TP63: variants seen among roughly 807,000 people sequenced by gnomAD.
TP63 encodes the protein tumor protein p63, also known as tumor protein 63.
A neutral mutation model predicts 82.8 loss-of-function variants in TP63; 17 were observed. That is an observed-to-expected ratio of 0.21 (90% CI 0.14 to 0.31). The LOEUF is 0.31. Ranked by LOEUF, TP63 falls within the 10% of genes least tolerant of loss-of-function variation. The probability of loss-of-function intolerance (pLI) is 1.00; values close to 1 mark genes in which losing one functional copy is unlikely to be tolerated. For synonymous variants in TP63, 330 were observed against 321.7 expected, an observed-to-expected ratio of 1.03 and a Z score of -0.28; for missense variants, 648 against 895.3, an observed-to-expected ratio of 0.72 and a Z score of 3.52.
chr3:189,777,942 G>A (rs1046023515), intron 3 of TP63, among the ~76,000 whole-genome samples: 1 of 136,896 alleles, frequency 7.3e-6, no homozygotes, highest in African/African-American at 2.8e-5. Context: ...TGCAACTTCC[G>A]TCTTCCGGGT....
intron 6 of TP63, 117 bp downstream of exon 6, chr3:189,866,914 T>C: frequency 2.4e-6 from 2 of 834,004 alleles, no homozygotes; most frequent in Admixed American, 2.1e-5. Flanking sequence ...TTAGTTCTTG[T>C]CATCAAATAT....
chr3:189,764,566 T>A (rs141570599), intron 3 of TP63, among the ~76,000 whole-genome samples: 1 of 152,230 alleles, frequency 6.6e-6, no homozygotes, highest in Non-Finnish European at 1.5e-5. Flanking sequence ...ACTGGGGTGC[T>A]CATCAGGAGT....
intron 1 of TP63, among the ~76,000 whole-genome samples, chr3:189,660,016 G>A (rs975499179): frequency 1.3e-5 from 2 of 151,926 alleles, no homozygotes; most frequent in African/African-American, 4.8e-5. Flanking sequence ...TGATTACTCT[G>A]TTGATAATTC....
chr3:189,805,979 C>T (rs1726842613), intron 3 of TP63, among the ~76,000 whole-genome samples: 1 of 151,910 alleles, frequency 6.6e-6, no homozygotes, highest in Non-Finnish European at 1.5e-5. Flanking sequence ...CTTCACCAAA[C>T]CACCCTGGAC....
chr3:189,693,944 G>A (rs60907661), intron 1 of TP63, among the ~76,000 whole-genome samples: 2,575 of 152,218 alleles, frequency 0.017, 82 homozygotes, highest in African/African-American at 0.058. Context: ...CCGTTTTAGT[G>A]TTATCTTTTA....
chr3:189,629,544 C>T (rs1040540851), upstream of TP63, among the ~76,000 whole-genome samples: 7 of 152,026 alleles, frequency 4.6e-5, no homozygotes, highest in African/African-American at 7.2e-5. Context: ...TTCCTAGAGA[C>T]GTCGAATTGT....
chr3:189,870,388 A>G (rs1297993457), intron 9 of TP63, among the ~76,000 whole-genome samples: 3 of 152,254 alleles, frequency 2.0e-5, no homozygotes, highest in South Asian at 2.1e-4. Context: ...AACTAATTGC[A>G]TGGCATTTAC....
intron 1 of TP63, among the ~76,000 whole-genome samples, chr3:189,706,641 A>C (rs1718223576): frequency 6.6e-6 from 1 of 152,150 alleles, no homozygotes; most frequent in Non-Finnish European, 1.5e-5. Flanking sequence ...ACATCCAGCA[A>C]TACATCTCAA....
rs1297017557 is a variant in TP63, at chr3:189,868,076, A to G, written c.992+134A>G. ...GTCCTTTGTGCTCTAAATCCTTGCT[A>G]CAAACGGTTACATAAAAGATCTAAG... On this transcript the variant is annotated intron_variant, in intron 7 of 13. Coordinates refer to ENST00000264731, the MANE Select transcript of TP63 (RefSeq NM_003722.5). 1.2e-5 allele frequency: 9 copies of G among 770,002 alleles called. No homozygotes were observed. The South Asian group carries it at 1.2e-4, about 10-fold the overall frequency. 47.7% of individuals were successfully genotyped at this position (770,002 alleles called of 1,614,324 possible).
chr3:189,752,186 A>AT (rs1432205194), intron 3 of TP63, among the ~76,000 whole-genome samples: 1 of 151,928 alleles, frequency 6.6e-6, no homozygotes, highest in Non-Finnish European at 1.5e-5. Flanking sequence ...TTATCTATTT[A>AT]TTTTTTGAGA....
the TP63 span, among the ~76,000 whole-genome samples, chr3:189,611,376 C>G: frequency 6.6e-6 from 1 of 152,116 alleles, no homozygotes; most frequent in African/African-American, 2.4e-5. Context: ...AGCCAGTTAT[C>G]CTAGCACCAT....
the TP63 span, among the ~76,000 whole-genome samples, chr3:189,599,068 A>G: frequency 2.7e-4 from 41 of 152,328 alleles, no homozygotes; most frequent in African/African-American, 9.6e-4. Flanking sequence ...TCCTCTTCTC[A>G]GACCTTTTTT....
Position 189,701,142 on chromosome 3 carries a change from C to G in TP63, c.63-36598C>G, listed in dbSNP as rs371867466. 4.1e-4 allele frequency among the ~76,000 whole-genome samples: 62 copies of G among 152,202 alleles called. No homozygotes were observed. The South Asian group carries it at 0.012, about 30-fold the overall frequency. On this transcript the variant is annotated intron_variant, in intron 1 of 13. Transcript: ENST00000264731. ...GTGATGCCTCCCCAGCCACATGGAG[C>G]TGTGAGTCCATTAAACCTCTTTTTC...
At chr3:189,731,025 A>T (rs114369748) in intron 1 of TP63, among the ~76,000 whole-genome samples, 3,076 of 151,726 alleles carry the variant, frequency 0.02, 40 homozygotes, top group Middle Eastern at 0.052. Flanking sequence ...CTGATGCACA[A>T]TTTTTTTTCT....
chr3:189,839,842 T>G (rs1230787510), intron 4 of TP63, among the ~76,000 whole-genome samples: 1 of 152,216 alleles, frequency 6.6e-6, no homozygotes, highest in Non-Finnish European at 1.5e-5. Context: ...CACAAGGTTT[T>G]GCAGCAGAGA....
intron 3 of TP63, among the ~76,000 whole-genome samples, chr3:189,760,737 T>C (rs530401316): frequency 1.3e-5 from 2 of 152,090 alleles, no homozygotes; most frequent in East Asian, 3.9e-4. Context: ...GTGTGGGGGC[T>C]CCCACTCCAT....
At chr3:189,622,234 G>A in the TP63 span, among the ~76,000 whole-genome samples, 16 of 152,180 alleles carry the variant, frequency 1.1e-4, no homozygotes, top group African/African-American at 3.4e-4. Flanking sequence ...ATGTTATCCT[G>A]CTAACTGGAC....
chr3:189,748,508 C>CAAAAAAA (rs58926854), intron 3 of TP63, among the ~76,000 whole-genome samples: 18 of 31,254 alleles, frequency 5.8e-4, no homozygotes, highest in East Asian at 1.4e-3. Context: ...AGGAAAACTA[C>CAAAAAAA]AAAAAAAAAA....
At chr3:189,881,182 AC>A (rs994115421) in intron 10 of TP63, 1 of 943,202 alleles carries the variant, frequency 1.1e-6, no homozygotes, top group African/African-American at 2.0e-5. Context: ...CAGGAGACTT[AC>A]GTTTTGAGTA....
Sources: allele counts gnomAD v4.1 joint callset (sites outside exome capture counted in the v4.1 genomes callset), GRCh38; gene constraint gnomAD v4.1.1; transcripts MANE v1.5; gene names NCBI Gene and HGNC (gene_info 2026-07-23, HGNC 2026-07-21).